Variants in DDAH1 observed in about 807,000 individuals in gnomAD.
DDAH1 encodes the protein N(G),N(G)-dimethylarginine dimethylaminohydrolase 1.
Under a neutral mutation model 28.8 loss-of-function variants are expected in DDAH1, and 19 were observed. That is an observed-to-expected ratio of 0.66 (90% CI 0.46 to 0.97). The LOEUF is 0.97. Among genes scored for constraint, DDAH1 ranks in the 50% least tolerant of loss-of-function variants. The probability of loss-of-function intolerance (pLI) is 0.00; values close to 1 mark genes in which losing one functional copy is unlikely to be tolerated. For synonymous variants in DDAH1, 153 were observed against 154.4 expected, an observed-to-expected ratio of 0.99 and a Z score of 0.07; for missense variants, 326 against 375.9, an observed-to-expected ratio of 0.87 and a Z score of 1.10.
chr1:85,369,264 T>C (rs1037221908), intron 1 of DDAH1, among the ~76,000 whole-genome samples: 1 of 150,618 alleles, frequency 6.6e-6, no homozygotes, highest in African/African-American at 2.5e-5. Context: ...CTACTTATGC[T>C]GCCCAGGCTC....
At chr1:85,525,362 C>G (rs2737809) in intron 1 of DDAH1, among the ~76,000 whole-genome samples, 1 of 152,084 alleles carries the variant, frequency 6.6e-6, no homozygotes, top group South Asian at 2.1e-4. Flanking sequence ...TTCTAGCTAG[C>G]TGACTGTTGA....
At chr1:85,577,047 A>G (rs1433700649) in intron 1 of DDAH1, among the ~76,000 whole-genome samples, 1 of 151,946 alleles carries the variant, frequency 6.6e-6, no homozygotes, top group Admixed American at 6.6e-5. Context: ...CGGGGCTGGA[A>G]ACGTCCTGCG....
chr1:85,559,873 C>T (rs1553148935), intron 1 of DDAH1, among the ~76,000 whole-genome samples: 1 of 151,290 alleles, frequency 6.6e-6, no homozygotes, highest in Non-Finnish European at 1.5e-5. Flanking sequence ...CACATGCAAA[C>T]TTGTCCACAT....
chr1:85,357,550 T>A (rs1182550479), intron 2 of DDAH1, among the ~76,000 whole-genome samples: 1 of 152,228 alleles, frequency 6.6e-6, no homozygotes, highest in Non-Finnish European at 1.5e-5. Flanking sequence ...ATATCTTGAC[T>A]ATACATATAT....
intron 4 of DDAH1, among the ~76,000 whole-genome samples, chr1:85,345,726 G>A (rs568994735): frequency 1.2e-4 from 19 of 152,218 alleles, no homozygotes; most frequent in African/African-American, 3.4e-4. Flanking sequence ...TTAGCTGGGC[G>A]TGGTGGCGGG....
chr1:85,513,628 C>A (rs1387193321), intron 1 of DDAH1, among the ~76,000 whole-genome samples: 1 of 152,134 alleles, frequency 6.6e-6, no homozygotes, highest in East Asian at 1.9e-4. Context: ...TATCCAGAAT[C>A]TGTGATGAAC....
upstream of DDAH1, among the ~76,000 whole-genome samples, chr1:85,468,372 A>G (rs1172345510): frequency 6.6e-6 from 1 of 152,194 alleles, no homozygotes; most frequent in Non-Finnish European, 1.5e-5. Context: ...GACACACCCA[A>G]GCCTGGGTAA....
At chr1:85,324,272 AAATAATAATAAT>A (rs71075831) in intron 5 of DDAH1, among the ~76,000 whole-genome samples, 1 of 142,258 alleles carries the variant, frequency 7.0e-6, no homozygotes, top group Non-Finnish European at 1.5e-5. Flanking sequence ...CCTGTCTCAA[AAATAATAATAAT>A]AATAATAATA....
At chr1:85,540,469 C>T (rs917512415) in intron 1 of DDAH1, among the ~76,000 whole-genome samples, 1 of 152,300 alleles carries the variant, frequency 6.6e-6, no homozygotes, top group East Asian at 1.9e-4. Flanking sequence ...AACTACCATA[C>T]ATTTTGCACT....
chr1:85,441,265 G>A (rs958449384), intron 1 of DDAH1, among the ~76,000 whole-genome samples: 14 of 152,178 alleles, frequency 9.2e-5, no homozygotes, highest in African/African-American at 3.4e-4. Context: ...GTTGCTGGCT[G>A]GGTGTGGTGG....
Position 85,324,869 on chromosome 1 carries a change from C to T in DDAH1, c.612G>A (p.Met204Ile). The T allele has an allele frequency of 6.2e-7, 1 of 1,613,998 alleles. No homozygotes were observed. The highest frequency in any genetic ancestry group is 8.5e-7 in the Non-Finnish European group (1 of 1,179,980). Residue 204 changes from methionine (M) to isoleucine (I), a missense_variant, in exon 5 of 6, where the codon ATG becomes ATA. Coordinates refer to ENST00000284031, the MANE Select transcript of DDAH1 (RefSeq NM_012137.4). Reference sequence around the variant, plus strand: ...TGAGTTTGTCGTAGCGGTGGTCACTCATCTGTTGCATGATCTATAAAGAGA... The same window carrying T: ...TGAGTTTGTCGTAGCGGTGGTCACTTATCTGTTGCATGATCTATAAAGAGA... ...AQKALKIMQQ[M>I]SDHRYDKLTV...
At chr1:85,390,768 C>T (rs1557568303) in intron 1 of DDAH1, among the ~76,000 whole-genome samples, 1 of 152,190 alleles carries the variant, frequency 6.6e-6, no homozygotes, top group Non-Finnish European at 1.5e-5. Context: ...AAATGGGATC[C>T]TTAATTTCTA....
chr1:85,544,644 A>G (rs552727246), intron 1 of DDAH1, among the ~76,000 whole-genome samples: 55 of 152,284 alleles, frequency 3.6e-4, no homozygotes, highest in African/African-American at 1.3e-3. Flanking sequence ...TACTAAATAA[A>G]GTGGAGAGGA....
At chr1:85,535,010 G>C (rs1283793325) in intron 1 of DDAH1, among the ~76,000 whole-genome samples, 1 of 151,322 alleles carries the variant, frequency 6.6e-6, no homozygotes, top group African/African-American at 2.4e-5. Context: ...GATGTGCTTA[G>C]CAATTCTTTT....
chr1:85,565,531 T>C (rs1203057563), intron 1 of DDAH1, among the ~76,000 whole-genome samples: 3 of 152,128 alleles, frequency 2.0e-5, no homozygotes, highest in Admixed American at 1.3e-4. Context: ...CTATGAACTA[T>C]TTTTGCGACT....
chr1:85,541,621 G>A (rs1658472992), intron 1 of DDAH1, among the ~76,000 whole-genome samples: 1 of 152,232 alleles, frequency 6.6e-6, no homozygotes, highest in Admixed American at 6.5e-5. Flanking sequence ...GGGTGGTAGA[G>A]TTCACAGAAA....
Position 85,571,787 on chromosome 1 carries a change from C to CTTT in DDAH1, c.-123+6194_-123+6196dup, listed in dbSNP as rs58835610. On this transcript the variant is annotated intron_variant, in intron 1 of 6. Coordinates refer to the DDAH1 transcript ENST00000426972. ...CCTTTTAGAATGAACTGTTTATAAG[C>CTTT]TTTTTTTTTTTTTTTTTTTTTTTTT... 4.5e-3 allele frequency among the ~76,000 whole-genome samples: 385 copies of CTTT among 85,452 alleles called. 1 individual carries two copies. Among genetic ancestry groups the CTTT allele is most frequent in the African/African-American group, 4.8e-3 (100 of 21,014 alleles). 56.1% of individuals were successfully genotyped at this position (85,452 alleles called of 152,430 possible). A position where few individuals can be genotyped will look rare whatever the true frequency, so the allele number is the denominator to read the frequency against.
chr1:85,347,741 G>T (rs1648958627), intron 4 of DDAH1, among the ~76,000 whole-genome samples: 1 of 151,606 alleles, frequency 6.6e-6, no homozygotes, highest in African/African-American at 2.4e-5. Flanking sequence ...CTGTGCACAT[G>T]TACCCTAGAA....
intron 1 of DDAH1, among the ~76,000 whole-genome samples, chr1:85,420,549 A>G (rs115111139): frequency 0.012 from 1,807 of 152,272 alleles, 21 homozygotes; most frequent in Non-Finnish European, 0.022. Flanking sequence ...CACGGACACA[A>G]TGCAGCCAAG....
Sources: gnomAD v4.1 joint callset for allele counts (sites outside exome capture counted in the v4.1 genomes callset) on GRCh38, gnomAD v4.1.1 for gene constraint, MANE v1.5 for transcripts, NCBI Gene and HGNC (gene_info 2026-07-23, HGNC 2026-07-21) for gene names.